DOCK1: variants seen among roughly 807,000 people sequenced by gnomAD.
DOCK1 encodes dedicator of cytokinesis protein 1.
A neutral mutation model predicts 262.7 loss-of-function variants in DOCK1; 138 were observed. That is an observed-to-expected ratio of 0.53 (90% CI 0.46 to 0.61). DOCK1 has a LOEUF of 0.61. Among genes scored for constraint, DOCK1 ranks in the 20% least tolerant of loss-of-function variants. The pLI, the probability that DOCK1 is intolerant of heterozygous loss-of-function variation, is 0.00. For missense variants in DOCK1, 1,908 were observed against 2,370.7 expected (o/e 0.80, Z 4.05); for synonymous variants, 866 against 867.4 (o/e 1.00, Z 0.03).
At chr10:127,207,009 G>T (rs2057754057) in intron 27 of DOCK1, among the ~76,000 whole-genome samples, 1 of 152,198 alleles carries the variant, frequency 6.6e-6, no homozygotes, top group South Asian at 2.1e-4. Flanking sequence ...ATGCTTTTGA[G>T]TTTTTTCTTG....
intron 18 of DOCK1, among the ~76,000 whole-genome samples, chr10:127,033,964 C>T (rs1822601334): frequency 6.6e-6 from 1 of 152,128 alleles, no homozygotes; most frequent in African/African-American, 2.4e-5. Flanking sequence ...ATTCCATTTG[C>T]ATGCATTTCT....
intron 16 of DOCK1, among the ~76,000 whole-genome samples, chr10:127,031,374 G>A (rs561787793): frequency 1.3e-5 from 2 of 152,206 alleles, no homozygotes; most frequent in African/African-American, 2.4e-5. Context: ...CCTGGAATCC[G>A]TTTTCACGTT....
At position 127,035,080 on chromosome 10, in the gene DOCK1, A is replaced by G. The variant is rs886777906; in HGVS notation, c.1913-2639A>G. Among the ~76,000 whole-genome samples the G allele has an allele frequency of 2.0e-5, 3 of 152,130 alleles. 1 individual carries two copies. The South Asian group carries it at 6.2e-4, about 32-fold the overall frequency. ...AGGACTGATGGGAAGTCTGCCTTTC[A>G]TTTCTCACCAGCCACGGTTCCCCTT... On this transcript the variant is annotated intron_variant, in intron 18 of 51. Coordinates refer to ENST00000623213, the MANE Select transcript of DOCK1 (RefSeq NM_001290223.2).
At chr10:127,117,683 C>T (rs192189380) in intron 25 of DOCK1, among the ~76,000 whole-genome samples, 3 of 152,232 alleles carry the variant, frequency 2.0e-5, no homozygotes, top group Admixed American at 6.5e-5. Context: ...GGGTGGGCTT[C>T]TGTTCCTGTT....
At chr10:127,161,050 C>T (rs749676746) in intron 27 of DOCK1, among the ~76,000 whole-genome samples, 17 of 152,170 alleles carry the variant, frequency 1.1e-4, no homozygotes, top group Non-Finnish European at 1.9e-4. Context: ...TTCAGTGATT[C>T]CCTCCTATGT....
intron 32 of DOCK1, 150 bp from the exon 33 acceptor site, chr10:127,361,914 T>C: frequency 9.2e-6 from 8 of 869,668 alleles, no homozygotes; most frequent in Non-Finnish European, 1.4e-5. Context: ...AAGTTCAAAA[T>C]CATCATCTGC....
intron 14 of DOCK1, 89 bp downstream of exon 14, chr10:127,023,413 AG>A (rs2042587870): frequency 1.3e-6 from 2 of 1,526,274 alleles, no homozygotes; most frequent in Non-Finnish European, 1.8e-6. Context: ...AGATGTCGTC[AG>A]GGTGGGGCTT....
chr10:127,427,563 T>C lies in DOCK1; in HGVS notation c.4914+1552T>C, dbSNP rs377322615. 3.9e-5 allele frequency among the ~76,000 whole-genome samples: 6 copies of C among 152,178 alleles called. No individual in the cohort carries two copies. In the East Asian group the frequency reaches 1.2e-3, roughly 30 times the overall value. ...TTTTACAGTCAAGGAAACAGGGACA[T>C]GGGAAGGTAAGTAGGTCACACCCTA... On this transcript the variant is annotated intron_variant, in intron 47 of 51. Coordinates refer to ENST00000623213, the MANE Select transcript of DOCK1 (RefSeq NM_001290223.2).
chr10:127,429,681 A>C (rs564892702), intron 47 of DOCK1, among the ~76,000 whole-genome samples: 31 of 152,292 alleles, frequency 2.0e-4, no homozygotes, highest in African/African-American at 7.5e-4. Flanking sequence ...GGCTCCAAGG[A>C]GCTGCCATTC....
chr10:127,226,977 CA>C (rs538568553), intron 27 of DOCK1, among the ~76,000 whole-genome samples: 1 of 152,308 alleles, frequency 6.6e-6, no homozygotes, highest in Admixed American at 6.5e-5. Context: ...TCACTAGACA[CA>C]GGGGCAGAGA....
chr10:127,006,064 G>A (rs747819991), intron 10 of DOCK1, among the ~76,000 whole-genome samples: 1 of 152,156 alleles, frequency 6.6e-6, no homozygotes, highest in Non-Finnish European at 1.5e-5. Context: ...TCAGCCTTGC[G>A]GTGTAGTAGC....
At chr10:127,004,750 C>T (rs1032154088) in intron 10 of DOCK1, among the ~76,000 whole-genome samples, 3 of 128,174 alleles carry the variant, frequency 2.3e-5, no homozygotes, top group Admixed American at 7.9e-5. Context: ...TCCTGTCCCC[C>T]CCAACGGCCC....
At chr10:127,435,791 T>C (rs2069646209) in intron 48 of DOCK1, among the ~76,000 whole-genome samples, 1 of 152,202 alleles carries the variant, frequency 6.6e-6, no homozygotes, top group Non-Finnish European at 1.5e-5. Context: ...TTCTTGGGGT[T>C]ACCACCCTTT....
intron 1 of DOCK1, among the ~76,000 whole-genome samples, chr10:126,956,716 T>C (rs2036772147): frequency 1.3e-5 from 2 of 152,148 alleles, no homozygotes; most frequent in African/African-American, 4.8e-5. Flanking sequence ...CATCCTCCCA[T>C]TTCATGGAGG....
intron 31 of DOCK1, among the ~76,000 whole-genome samples, chr10:127,352,724 C>G (rs1277128014): frequency 6.6e-6 from 1 of 152,154 alleles, no homozygotes; most frequent in Non-Finnish European, 1.5e-5. Flanking sequence ...TCCCAAGTAG[C>G]TGGGATTACA....
intron 29 of DOCK1, among the ~76,000 whole-genome samples, chr10:127,330,039 A>G (rs1265769841): frequency 6.6e-6 from 1 of 152,150 alleles, no homozygotes; most frequent in Non-Finnish European, 1.5e-5. Context: ...TTATCCTAAC[A>G]CTTGCTAACT....
At chr10:127,211,053 C>T (rs1299139183) in intron 27 of DOCK1, among the ~76,000 whole-genome samples, 2 of 152,076 alleles carry the variant, frequency 1.3e-5, no homozygotes, top group Non-Finnish European at 2.9e-5. Context: ...TTTAAATGTA[C>T]GTTACGGTAC....
intron 29 of DOCK1, among the ~76,000 whole-genome samples, chr10:127,329,773 G>A (rs1265365398): frequency 1.3e-5 from 2 of 152,098 alleles, no homozygotes; most frequent in African/African-American, 4.8e-5. Context: ...ATAGGTGGAC[G>A]AGGCAGGATT....
intron 25 of DOCK1, among the ~76,000 whole-genome samples, chr10:127,121,484 TCC>T (rs1185684694): frequency 7.9e-5 from 12 of 152,064 alleles, no homozygotes; most frequent in Admixed American, 2.6e-4. Flanking sequence ...TGTCTATCTG[TCC>T]GTCTGTCTGT....
Sources: allele counts gnomAD v4.1 joint callset (sites outside exome capture counted in the v4.1 genomes callset), GRCh38; gene constraint gnomAD v4.1.1; transcripts MANE v1.5; gene names NCBI Gene and HGNC (gene_info 2026-07-23, HGNC 2026-07-21).